MAST2: variants seen among roughly 807,000 people sequenced by gnomAD.
The protein encoded by MAST2 is microtubule-associated serine/threonine-protein kinase 2.
MAST2 carries 70 observed loss-of-function variants against 147.4 expected under a neutral mutation model. The ratio of observed to expected loss-of-function variants is 0.47; its 90% CI spans 0.39 to 0.58. The LOEUF (loss-of-function observed/expected upper bound fraction) is 0.58, where lower values mean the gene tolerates loss of function less well. Ranked by LOEUF, MAST2 falls within the 20% of genes least tolerant of loss-of-function variation. The probability of loss-of-function intolerance (pLI) is 0.00; values close to 1 mark genes in which losing one functional copy is unlikely to be tolerated. For synonymous variants in MAST2, 869 were observed against 896.8 expected, an observed-to-expected ratio of 0.97 and a Z score of 0.55; for missense variants, 2,080 against 2,302.3, an observed-to-expected ratio of 0.90 and a Z score of 1.98.
In MAST2 at chr1:45,836,758, A is replaced by T. The variant is rs150653948; in HGVS notation, c.468+7177A>T. ...TGTTCAGTTTGATGACTTTTGGCAG[A>T]TGTATACAGTTGTGTCACCACCACC... On this transcript the variant is annotated intron_variant, in intron 3 of 28. Coordinates refer to ENST00000361297, the MANE Select transcript of MAST2 (RefSeq NM_015112.3). Among the ~76,000 whole-genome samples, 22 of 152,368 alleles carry T rather than the reference A, an allele frequency of 1.4e-4. 1 individual carries two copies. In the East Asian group the frequency reaches 4.2e-3, roughly 29 times the overall value.
Position 46,035,301 on chromosome 1 carries a change from G to T in MAST2, c.4632G>T (p.Glu1544Asp). Residue 1544 changes from glutamate to aspartate, a missense_variant, in exon 29 of 29, where the codon GAG (glutamate) becomes GAT (aspartate). Around this residue, in one of 4 missense-constraint regions of MAST2, gnomAD observed 1,278 missense variants for 1,304.2 expected, o/e 0.98. Transcript: ENST00000361297. The surrounding 1 kb of genome is among the most constrained non-coding windows in gnomAD (Gnocchi z 5.5). ...APKGAGESGE[E>D]DPFPSRDPRS... ...AAGGAGCAGGAGAGAGTGGGGAAGA[G>T]GATCCTTTCCCGTCCAGAGACCCTA... 1 of 1,613,950 alleles carries T rather than the reference G, an allele frequency of 6.2e-7. No individual in the cohort carries two copies. Among genetic ancestry groups the T allele is most frequent in the African/African-American group, 1.3e-5 (1 of 75,018 alleles).
At chr1:46,011,128 G>A in intron 10 of MAST2, 189 bp downstream of exon 10, 1 of 598,858 alleles carries the variant, frequency 1.7e-6, no homozygotes, top group Non-Finnish European at 2.9e-6. Context: ...AGCCTGCTTG[G>A]TATCAAAGGA....
Position 45,897,902 on chromosome 1 carries a change from C to T in MAST2, c.500+15507C>T, listed in dbSNP as rs534238513. ...GGCAGATCACCTGAGGTCAGGAGTTCGAGACCAGCCTGGCCAACATATAGT... is the reference window on the plus strand; with the variant it reads ...GGCAGATCACCTGAGGTCAGGAGTTTGAGACCAGCCTGGCCAACATATAGT... On this transcript the variant is annotated intron_variant, in intron 4 of 28. Coordinates refer to ENST00000361297, the MANE Select transcript of MAST2 (RefSeq NM_015112.3). Among the ~76,000 whole-genome samples the T allele has an allele frequency of 5.2e-4, 79 of 151,094 alleles. 1 individual carries two copies. The South Asian group carries it at 0.015, about 28-fold the overall frequency.
chr1:45,943,948 T>C (rs1179816940), intron 4 of MAST2, among the ~76,000 whole-genome samples: 1 of 152,058 alleles, frequency 6.6e-6, no homozygotes, highest in African/African-American at 2.4e-5. Context: ...GTAGGGGTGT[T>C]CCTCCTCTTG....
intron 2 of MAST2, among the ~76,000 whole-genome samples, chr1:45,826,960 C>G (rs1644811995): frequency 6.6e-6 from 1 of 151,964 alleles, no homozygotes; most frequent in South Asian, 2.1e-4. Context: ...TCCCAAGTAG[C>G]TGGGACTACA....
At chr1:45,925,451 T>C (rs1405799464) in intron 4 of MAST2, among the ~76,000 whole-genome samples, 3 of 152,214 alleles carry the variant, frequency 2.0e-5, no homozygotes, top group Non-Finnish European at 4.4e-5. Context: ...AGAGTATTGA[T>C]TGGCACTCAG....
chr1:45,925,094 G>C (rs1654153534), intron 4 of MAST2, among the ~76,000 whole-genome samples: 1 of 152,190 alleles, frequency 6.6e-6, no homozygotes, highest in Non-Finnish European at 1.5e-5. Flanking sequence ...GTGTCCCCTT[G>C]CATCATAGTG....
chr1:45,864,208 A>G (rs1428494216), intron 3 of MAST2, among the ~76,000 whole-genome samples: 1 of 152,214 alleles, frequency 6.6e-6, no homozygotes. Context: ...CTTGGATAAA[A>G]TGAGACTTTT....
Position 46,031,313 on chromosome 1 carries a change from A to G in MAST2, c.2992+23A>G. 1 of 1,543,136 alleles carries G rather than the reference A, an allele frequency of 6.5e-7. No homozygotes were observed. The highest frequency in any genetic ancestry group is 8.8e-7 in the Non-Finnish European group (1 of 1,141,382). On this transcript the variant is annotated intron_variant, in intron 23 of 28. Transcript: ENST00000361297. This position sits in a 1 kb window ranked among gnomAD's most constrained non-coding sequence, Gnocchi z 4.1. ...CAGGTATGGCCCAGTGGGCGGCCAAACGACCTAAGCTGGAGGATACTGCAG... is the reference window on the plus strand; with the variant it reads ...CAGGTATGGCCCAGTGGGCGGCCAAGCGACCTAAGCTGGAGGATACTGCAG...
chr1:45,888,690 TTTTTTTTTTG>T (rs1647213659), intron 4 of MAST2, among the ~76,000 whole-genome samples: 3 of 67,326 alleles, frequency 4.5e-5, no homozygotes, highest in Non-Finnish European at 8.3e-5. Flanking sequence ...TTTTTTTTTT[TTTTTTTTTTG>T]AGATGGAGTC....
At chr1:45,959,615 G>C in intron 5 of MAST2, 138 bp downstream of exon 5, 1 of 686,466 alleles carries the variant, frequency 1.5e-6, no homozygotes, top group Non-Finnish European at 2.5e-6. Flanking sequence ...CAGAGCTCAT[G>C]GGCTTGCTTT....
intron 25 of MAST2, 49 bp from the exon 26 acceptor site, chr1:46,032,547 T>C: frequency 6.2e-7 from 1 of 1,606,304 alleles, no homozygotes; most frequent in East Asian, 2.2e-5. Context: ...CCAGGCCCCA[T>C]ACTTCGTGTT....
chr1:45,983,479 A>T (rs1443475642), intron 5 of MAST2, among the ~76,000 whole-genome samples: 1 of 150,548 alleles, frequency 6.6e-6, no homozygotes, highest in African/African-American at 2.4e-5. Context: ...TAAATTTTAG[A>T]GTAAGACACT....
At chr1:45,811,574 C>T (rs763030642) in intron 1 of MAST2, among the ~76,000 whole-genome samples, 3 of 148,984 alleles carry the variant, frequency 2.0e-5, no homozygotes, top group Non-Finnish European at 4.4e-5. Flanking sequence ...CTCCTGACCT[C>T]GTGATCTGCC....
intron 3 of MAST2, among the ~76,000 whole-genome samples, chr1:45,870,778 A>G (rs1646353405): frequency 1.3e-5 from 2 of 151,646 alleles, no homozygotes; most frequent in Admixed American, 6.6e-5. Flanking sequence ...AAAAAAATTT[A>G]AGTAGCCAGG....
chr1:46,000,942 G>A (rs1645249841), intron 6 of MAST2: 11 of 1,289,264 alleles, frequency 8.5e-6, no homozygotes, highest in Non-Finnish European at 1.1e-5. Flanking sequence ...ACTATAATGT[G>A]TATTTTTTTA....
At chr1:46,030,031 T>C (rs953835476) in intron 20 of MAST2, 78 bp downstream of exon 20, 4 of 1,602,596 alleles carry the variant, frequency 2.5e-6, no homozygotes, top group South Asian at 1.1e-5. Context: ...TGAAATTGCA[T>C]TGGGAGCAAC....
At chr1:45,838,768 A>G (rs1191738283) in intron 3 of MAST2, among the ~76,000 whole-genome samples, 1 of 152,112 alleles carries the variant, frequency 6.6e-6, no homozygotes, top group East Asian at 1.9e-4. Flanking sequence ...ATCCCTCTAT[A>G]CTAACAATGA....
At chr1:45,905,927 G>T (rs1426788366) in intron 4 of MAST2, among the ~76,000 whole-genome samples, 1 of 152,108 alleles carries the variant, frequency 6.6e-6, no homozygotes, top group Non-Finnish European at 1.5e-5. Flanking sequence ...GGGATGTCGA[G>T]GGTTCCAGTT....
Sources: allele counts gnomAD v4.1 joint callset (sites outside exome capture counted in the v4.1 genomes callset), GRCh38; gene constraint gnomAD v4.1.1; regional missense constraint gnomAD v4.1.1; non-coding constraint Gnocchi (gnomAD v3.1); transcripts MANE v1.5; gene names NCBI Gene and HGNC (gene_info 2026-07-23, HGNC 2026-07-21).